Variants in SPATA31F3 observed in about 807,000 individuals in gnomAD.
The protein encoded by SPATA31F3 is protein SPATA31F3.
chr9:34,889,483 T>C, the SPATA31F3 span: 4 of 398,520 alleles, frequency 1.0e-5, no homozygotes, highest in African/African-American at 2.1e-5. Context: ...TTGGTGACAG[T>C]TGGACTCTTC....
the SPATA31F3 span, chr9:34,895,519 T>C: frequency 2.5e-6 from 1 of 398,366 alleles, no homozygotes; most frequent in Non-Finnish European, 4.4e-6. Flanking sequence ...AAGAGAAAGC[T>C]CGGGGATAAA....
the SPATA31F3 span, among the ~76,000 whole-genome samples, chr9:34,890,501 G>T: frequency 2.0e-5 from 3 of 152,190 alleles, no homozygotes; most frequent in Non-Finnish European, 2.9e-5. Context: ...TGGGCATGGG[G>T]TACTGCTATG....
At chr9:34,893,819 T>C in the SPATA31F3 span, among the ~76,000 whole-genome samples, 1 of 152,138 alleles carries the variant, frequency 6.6e-6, no homozygotes, top group Non-Finnish European at 1.5e-5. Context: ...GCATCACCAG[T>C]TAGAACCCGG....
At chr9:34,890,799 A>C in the SPATA31F3 span, among the ~76,000 whole-genome samples, 1 of 152,346 alleles carries the variant, frequency 6.6e-6, no homozygotes, top group East Asian at 1.9e-4. Context: ...AGTTTGGCCA[A>C]GATGGGTGCC....
the SPATA31F3 span, chr9:34,894,348 A>G: frequency 2.5e-6 from 1 of 397,490 alleles, no homozygotes; most frequent in Non-Finnish European, 4.4e-6. Flanking sequence ...CCTCCCATCC[A>G]TTTTCCCTCT....
At chr9:34,889,682 C>A in the SPATA31F3 span, 25 of 398,374 alleles carry the variant, frequency 6.3e-5, no homozygotes, top group South Asian at 7.7e-4. Flanking sequence ...TTACCAGACC[C>A]TGCAACTCTT....
At chr9:34,894,983 T>C in the SPATA31F3 span, 5 of 398,296 alleles carry the variant, frequency 1.3e-5, no homozygotes, top group Non-Finnish European at 2.2e-5. Flanking sequence ...AGGGTCAGGA[T>C]CCGTGGGAAC....
At chr9:34,892,153 T>C in the SPATA31F3 span, among the ~76,000 whole-genome samples, 1 of 152,140 alleles carries the variant, frequency 6.6e-6, no homozygotes, top group Non-Finnish European at 1.5e-5. Context: ...CAGTGCATCC[T>C]CTAGGCAGTG....
the SPATA31F3 span, among the ~76,000 whole-genome samples, chr9:34,891,725 C>A: frequency 6.6e-6 from 1 of 152,194 alleles, no homozygotes; most frequent in Non-Finnish European, 1.5e-5. Context: ...AAATGGACTT[C>A]CCCAATCAAA....
chr9:34,891,873 C>T, the SPATA31F3 span, among the ~76,000 whole-genome samples: 1 of 152,186 alleles, frequency 6.6e-6, no homozygotes, highest in Non-Finnish European at 1.5e-5. Context: ...GCAGGTGCCA[C>T]TCCAAGGCTT....
chr9:34,891,695 T>G, the SPATA31F3 span, among the ~76,000 whole-genome samples: 11 of 152,176 alleles, frequency 7.2e-5, no homozygotes, highest in Admixed American at 7.2e-4. Flanking sequence ...AGGAGAATGC[T>G]TCCTCCCTCT....
At chr9:34,889,643 G>A in the SPATA31F3 span, 1 of 398,540 alleles carries the variant, frequency 2.5e-6, no homozygotes. Context: ...CTTCTGGAAG[G>A]ATGATGCTCT....
At chr9:34,893,829 G>C in the SPATA31F3 span, among the ~76,000 whole-genome samples, 2 of 152,146 alleles carry the variant, frequency 1.3e-5, no homozygotes, top group South Asian at 4.1e-4. Context: ...TTAGAACCCG[G>C]ATCAGTCTCA....
the SPATA31F3 span, chr9:34,889,371 C>T: frequency 2.5e-6 from 1 of 398,660 alleles, no homozygotes. Context: ...TATTTAGGCA[C>T]TGGGGGCATC....
the SPATA31F3 span, chr9:34,892,781 G>C: frequency 3.5e-6 from 2 of 577,848 alleles, 1 homozygote; most frequent in South Asian, 4.8e-5. Context: ...TGGGACTTGA[G>C]ATCTCTGTCC....
the SPATA31F3 span, among the ~76,000 whole-genome samples, chr9:34,895,344 G>A: frequency 1.3e-5 from 2 of 152,074 alleles, no homozygotes; most frequent in Admixed American, 6.6e-5. Context: ...AGGATGAGAC[G>A]GGAGGAAAAG....
the SPATA31F3 span, chr9:34,895,195 T>A: frequency 5.0e-6 from 2 of 397,516 alleles, no homozygotes; most frequent in East Asian, 7.1e-5. Context: ...TCCAATTTTA[T>A]ATACTCTTCT....
the SPATA31F3 span, chr9:34,894,421 T>G: frequency 2.5e-6 from 1 of 398,578 alleles, no homozygotes; most frequent in Non-Finnish European, 4.4e-6. Context: ...GCTGGGAGAC[T>G]GCAAAGAAGA....
At chr9:34,894,974 G>GCTCT in the SPATA31F3 span, 1 of 398,232 alleles carries the variant, frequency 2.5e-6, no homozygotes, top group African/African-American at 2.1e-5. Flanking sequence ...GGGTCATAGA[G>GCTCT]GGTCAGGATC....
Sources: gnomAD v4.1 joint callset for allele counts (sites outside exome capture counted in the v4.1 genomes callset) on GRCh38, gnomAD v4.1.1 for gene constraint, MANE v1.5 for transcripts, NCBI Gene and HGNC (gene_info 2026-07-23, HGNC 2026-07-21) for gene names.